ZNF804A: variants seen among roughly 807,000 people sequenced by gnomAD.
ZNF804A encodes the protein zinc finger protein 804A.
In ZNF804A, 2 loss-of-function variants were observed where a neutral mutation model predicts 16.5. That is an observed-to-expected ratio of 0.12 (90% CI 0.05 to 0.38). ZNF804A has a LOEUF of 0.38. Ranked by LOEUF, ZNF804A falls within the 10% of genes least tolerant of loss-of-function variation. The pLI, the probability that ZNF804A is intolerant of heterozygous loss-of-function variation, is 0.99. For synonymous variants in ZNF804A, 534 were observed against 489.6 expected (o/e 1.09, Z -1.20); for missense variants, 1,473 against 1,390.7 (o/e 1.06, Z -0.94).
chr2:184,670,686 ATC>A (rs1692327753), intron 1 of ZNF804A, among the ~76,000 whole-genome samples: 1 of 151,952 alleles, frequency 6.6e-6, no homozygotes, highest in Non-Finnish European at 1.5e-5. Context: ...ATTTTTCTTT[ATC>A]TCTTTGTGGA....
At chr2:184,763,867 C>T (rs1005906912) in intron 1 of ZNF804A, among the ~76,000 whole-genome samples, 1 of 151,816 alleles carries the variant, frequency 6.6e-6, no homozygotes, top group Non-Finnish European at 1.5e-5. Flanking sequence ...TAGCCTCGAT[C>T]TCCTGACCTT....
intron 1 of ZNF804A, among the ~76,000 whole-genome samples, chr2:184,620,812 AT>A: frequency 6.6e-6 from 1 of 151,856 alleles, no homozygotes; most frequent in African/African-American, 2.4e-5. Flanking sequence ...TACTTGATTG[AT>A]TTCATTAGTT....
intron 1 of ZNF804A, among the ~76,000 whole-genome samples, chr2:184,704,174 C>G (rs149151947): frequency 0.015 from 2,315 of 150,542 alleles, 53 homozygotes; most frequent in African/African-American, 0.051. Context: ...TTTTTGACAC[C>G]GAGTTTCACT....
Position 184,757,552 on chromosome 2 carries a change from C to G in ZNF804A, c.112-108817C>G, listed in dbSNP as rs150741643. Among the ~76,000 whole-genome samples, 3 of 151,912 alleles carry G rather than the reference C, an allele frequency of 2.0e-5. No individual in the cohort carries two copies. The Admixed American group carries it at 2.0e-4, about 10-fold the overall frequency. ...ATCTTACATTTATGTTTCTTGGATG[C>G]TTTTCTCTTTCAGTCTTTTTGAATG... On this transcript the variant is annotated intron_variant, in intron 1 of 3. Transcript: ENST00000302277.
At chr2:184,731,151 T>C (rs1693508475) in intron 1 of ZNF804A, among the ~76,000 whole-genome samples, 1 of 141,206 alleles carries the variant, frequency 7.1e-6, no homozygotes, top group African/African-American at 2.6e-5. Flanking sequence ...CTCAGGAGGC[T>C]GAGGAAGGAG....
intron 1 of ZNF804A, among the ~76,000 whole-genome samples, chr2:184,786,142 C>T (rs1385016638): frequency 1.7e-4 from 26 of 151,966 alleles, no homozygotes; most frequent in Admixed American, 1.7e-3. Context: ...AAAGACATAA[C>T]TCTTTTAAAA....
At chr2:184,766,432 A>G (rs1382486876) in intron 1 of ZNF804A, among the ~76,000 whole-genome samples, 4 of 152,068 alleles carry the variant, frequency 2.6e-5, no homozygotes, top group Non-Finnish European at 5.9e-5. Context: ...ATTTTTAAAA[A>G]TGATAGTTTT....
At position 184,937,210 on chromosome 2, in the gene ZNF804A, A is replaced by T. The variant is rs144621375; in HGVS notation, c.1814A>T (p.His605Leu). ...AAAAAAAGAAAAAAGTTATGTCAGC[A>T]TCATCATATGGAGAAAACCAAAGAA... ...RKKKRKKLCQHHHMEKTKESE... is the reference protein window; with the variant it reads ...RKKKRKKLCQLHHMEKTKESE... Residue 605 changes from histidine to leucine, a missense_variant, in exon 4 of 4, where the codon CAT (histidine) becomes CTT (leucine). Physicochemically the swap from His to Leu is moderately conservative, Grantham distance 99. Transcript: ENST00000302277. The T allele has an allele frequency of 3.5e-4, 569 of 1,604,112 alleles. No homozygotes were observed. The highest frequency in any genetic ancestry group is 4.7e-4 in the Non-Finnish European group (548 of 1,177,712).
chr2:184,753,108 C>T (rs1332371698), intron 1 of ZNF804A, among the ~76,000 whole-genome samples: 1 of 151,566 alleles, frequency 6.6e-6, no homozygotes, highest in African/African-American at 2.4e-5. Context: ...ATCATAAACT[C>T]TTGGCCCAGG....
intron 1 of ZNF804A, among the ~76,000 whole-genome samples, chr2:184,666,788 A>C (rs1250048709): frequency 6.6e-6 from 1 of 152,042 alleles, no homozygotes; most frequent in African/African-American, 2.4e-5. Context: ...GAAATTTATT[A>C]GTTATTCTCT....
intron 1 of ZNF804A, among the ~76,000 whole-genome samples, chr2:184,607,443 G>A (rs1691167330): frequency 6.6e-6 from 1 of 152,134 alleles, no homozygotes; most frequent in African/African-American, 2.4e-5. Context: ...TGAAGGAGAA[G>A]TGCCGAGTGA....
At chr2:184,823,184 G>A (rs958573240) in intron 1 of ZNF804A, among the ~76,000 whole-genome samples, 30 of 151,976 alleles carry the variant, frequency 2.0e-4, no homozygotes, top group African/African-American at 7.0e-4. Flanking sequence ...CCTCTGGAGG[G>A]GAGGATTACA....
intron 1 of ZNF804A, among the ~76,000 whole-genome samples, chr2:184,818,156 G>T (rs1010347047): frequency 6.6e-6 from 1 of 152,006 alleles, no homozygotes; most frequent in African/African-American, 2.4e-5. Flanking sequence ...GGCAGATAGA[G>T]AGAAAGAACA....
intron 1 of ZNF804A, among the ~76,000 whole-genome samples, chr2:184,621,229 A>G (rs1691413455): frequency 6.6e-6 from 1 of 151,718 alleles, no homozygotes; most frequent in Non-Finnish European, 1.5e-5. Context: ...TTTTAACAAC[A>G]CTGGTAGATA....
intron 1 of ZNF804A, among the ~76,000 whole-genome samples, chr2:184,711,917 C>T (rs1357076919): frequency 2.0e-5 from 3 of 151,532 alleles, no homozygotes; most frequent in East Asian, 1.9e-4. Flanking sequence ...AATTGTAATG[C>T]GTCCAGTTTT....
At chr2:184,633,961 A>G (rs1691654436) in intron 1 of ZNF804A, among the ~76,000 whole-genome samples, 1 of 152,180 alleles carries the variant, frequency 6.6e-6, no homozygotes, top group African/African-American at 2.4e-5. Flanking sequence ...CCCCAAAAAT[A>G]TAGATACTAT....
At chr2:184,762,792 C>A (rs11903945) in intron 1 of ZNF804A, among the ~76,000 whole-genome samples, 13,671 of 152,032 alleles carry the variant, frequency 0.09, 2,060 homozygotes, top group African/African-American at 0.31. Flanking sequence ...ACAATCAATT[C>A]TGCCCAATTT....
At chr2:184,659,386 A>G (rs949246060) in intron 1 of ZNF804A, among the ~76,000 whole-genome samples, 3 of 152,180 alleles carry the variant, frequency 2.0e-5, no homozygotes, top group Non-Finnish European at 4.4e-5. Flanking sequence ...CAGCTATTAC[A>G]TGTTAGGCAC....
chr2:184,733,708 G>A (rs1693560939), intron 1 of ZNF804A, among the ~76,000 whole-genome samples: 1 of 152,252 alleles, frequency 6.6e-6, no homozygotes, highest in South Asian at 2.1e-4. Flanking sequence ...ATAGATGGAA[G>A]CTTATTTAGA....
Sources: gnomAD v4.1 joint callset for allele counts (sites outside exome capture counted in the v4.1 genomes callset) on GRCh38, gnomAD v4.1.1 for gene constraint, MANE v1.5 for transcripts, NCBI Gene and HGNC (gene_info 2026-07-23, HGNC 2026-07-21) for gene names.